Variants in RASAL2 observed in about 807,000 individuals in gnomAD.
RASAL2 encodes the protein ras GTPase-activating protein nGAP.
Under a neutral mutation model 128.9 loss-of-function variants are expected in RASAL2, and 58 were observed. The observed-to-expected ratio is 0.45, with a 90% CI of 0.36 to 0.56. RASAL2 has a LOEUF of 0.56. RASAL2 is among the 20% of genes least tolerant of loss of function. The probability of loss-of-function intolerance (pLI) is 0.00; values close to 1 mark genes in which losing one functional copy is unlikely to be tolerated. For missense variants in RASAL2, 1,360 were observed against 1,601.6 expected (o/e 0.85, Z 2.57); for synonymous variants, 561 against 580.8 (o/e 0.97, Z 0.49).
intron 1 of RASAL2, among the ~76,000 whole-genome samples, chr1:178,246,596 A>G (rs1344875371): frequency 6.6e-6 from 1 of 152,064 alleles, no homozygotes; most frequent in East Asian, 1.9e-4. Flanking sequence ...AGAACTTCCA[A>G]CACTATGTTG....
chr1:178,235,618 C>G (rs1029571736), intron 1 of RASAL2, among the ~76,000 whole-genome samples: 6 of 150,136 alleles, frequency 4.0e-5, no homozygotes, highest in South Asian at 2.1e-4. Context: ...GTGTGTGTGT[C>G]TGTGTGTGTG....
chr1:178,382,504 G>A (rs1389228172), intron 3 of RASAL2, among the ~76,000 whole-genome samples: 1 of 151,936 alleles, frequency 6.6e-6, no homozygotes, highest in Non-Finnish European at 1.5e-5. Flanking sequence ...AAAACACATG[G>A]AGAACAGGAT....
intron 1 of RASAL2, among the ~76,000 whole-genome samples, chr1:178,231,214 T>C (rs1051653697): frequency 6.6e-6 from 1 of 151,936 alleles, no homozygotes; most frequent in African/African-American, 2.4e-5. Context: ...CTGACATGCC[T>C]GGTGGTCACC....
At chr1:178,404,731 G>T (rs549390292) in intron 4 of RASAL2, among the ~76,000 whole-genome samples, 43 of 147,522 alleles carry the variant, frequency 2.9e-4, no homozygotes, top group African/African-American at 1.1e-3. Context: ...GCCCAGGCTG[G>T]AGTACAGTGG....
intron 1 of RASAL2, among the ~76,000 whole-genome samples, chr1:178,282,476 T>C (rs939552383): frequency 2.0e-5 from 3 of 152,174 alleles, no homozygotes; most frequent in African/African-American, 7.2e-5. Flanking sequence ...TAGGAAATTA[T>C]TTGCCTTTCC....
rs1661087979 is a variant in RASAL2, at chr1:178,156,483, A to G, written c.202+61789A>G. On this transcript the variant is annotated intron_variant, in intron 1 of 17. Coordinates refer to ENST00000367649, the MANE Select transcript of RASAL2 (RefSeq NM_170692.4). ...TTAATATGACACTGGTTGTTATAATAGTAAGTTATGGGTGAGATTAGGGAA... is the reference window on the plus strand; with the variant it reads ...TTAATATGACACTGGTTGTTATAATGGTAAGTTATGGGTGAGATTAGGGAA... Among the ~76,000 whole-genome samples, 4 of 152,190 alleles carry G rather than the reference A, an allele frequency of 2.6e-5. No individual in the cohort carries two copies. In the South Asian group the frequency reaches 8.3e-4, roughly 31 times the overall value.
chr1:178,188,562 C>T (rs962865068), intron 1 of RASAL2, among the ~76,000 whole-genome samples: 1 of 151,916 alleles, frequency 6.6e-6, no homozygotes, highest in African/African-American at 2.4e-5. Flanking sequence ...ATTTTTAGTA[C>T]GATATTAATT....
chr1:178,410,634 T>C (rs189296647), intron 4 of RASAL2, among the ~76,000 whole-genome samples: 1 of 151,780 alleles, frequency 6.6e-6, no homozygotes, highest in Admixed American at 6.6e-5. Context: ...GCCAAAGGAC[T>C]AATATCCAGA....
At chr1:178,379,877 T>C (rs1450571851) in intron 3 of RASAL2, among the ~76,000 whole-genome samples, 3 of 152,178 alleles carry the variant, frequency 2.0e-5, no homozygotes, top group African/African-American at 7.2e-5. Context: ...TGTAATTATG[T>C]TTAAGTGTGC....
chr1:178,340,833 A>G (rs780904454), intron 3 of RASAL2, among the ~76,000 whole-genome samples: 3 of 152,200 alleles, frequency 2.0e-5, no homozygotes, highest in South Asian at 2.1e-4. Context: ...GCTACAGACT[A>G]TATAATACAG....
Position 178,439,433 on chromosome 1 carries a change from T to A in RASAL2, c.686T>A (p.Leu229Gln). The A allele has an allele frequency of 6.2e-7, 1 of 1,606,770 alleles. No homozygotes were observed. Among genetic ancestry groups the A allele is most frequent in the East Asian group, 2.2e-5 (1 of 44,714 alleles). The change falls in exon 6 of 18, where the codon CTG becomes CAG. Residue 229 changes from leucine to glutamine, a missense_variant. Physicochemically the swap from Leu to Gln is moderately radical, Grantham distance 113 (BLOSUM62 -2). Transcript: ENST00000367649. Reference protein sequence around the residue: ...LRSTDDRSRGLPKLKESRSHE... With the variant: ...LRSTDDRSRGQPKLKESRSHE... ...TTTTCTACTTTTAGGTCTCGTGGGC[T>A]GCCTAAACTAAAAGAGTCACGTTCC... is the stretch of plus-strand genomic sequence containing the variant.
chr1:178,286,057 C>G (rs140151015), intron 2 of RASAL2, among the ~76,000 whole-genome samples: 2 of 152,292 alleles, frequency 1.3e-5, no homozygotes, highest in East Asian at 3.9e-4. Flanking sequence ...CCCTCATCCA[C>G]CACGCTGTAT....
intron 4 of RASAL2, among the ~76,000 whole-genome samples, chr1:178,409,387 G>T (rs187515999): frequency 6.6e-6 from 1 of 152,146 alleles, no homozygotes; most frequent in Non-Finnish European, 1.5e-5. Context: ...GCACAGTGGA[G>T]GGGCACGTAA....
At chr1:178,416,506 TAAG>T (rs141935608) in intron 4 of RASAL2, among the ~76,000 whole-genome samples, 5,805 of 152,150 alleles carry the variant, frequency 0.038, 354 homozygotes, top group African/African-American at 0.13. Context: ...TTAAATCAAT[TAAG>T]AAGAAAAATA....
chr1:178,159,884 G>A (rs560841282), intron 1 of RASAL2, among the ~76,000 whole-genome samples: 5 of 151,880 alleles, frequency 3.3e-5, no homozygotes, highest in Admixed American at 1.3e-4. Context: ...CTGCCTGGGC[G>A]ACAGAGCAAG....
intron 6 of RASAL2, among the ~76,000 whole-genome samples, chr1:178,440,393 A>G (rs1676553476): frequency 6.6e-6 from 1 of 152,002 alleles, no homozygotes; most frequent in Non-Finnish European, 1.5e-5. Context: ...AAATATTATC[A>G]TTTCAACATG....
At chr1:178,395,785 A>G (rs1673180366) in intron 4 of RASAL2, among the ~76,000 whole-genome samples, 1 of 146,996 alleles carries the variant, frequency 6.8e-6, no homozygotes, top group Admixed American at 6.7e-5. Flanking sequence ...ATATATATAT[A>G]TATATATTTA....
At chr1:178,098,793 T>C (rs1658786809) in intron 1 of RASAL2, among the ~76,000 whole-genome samples, 1 of 152,214 alleles carries the variant, frequency 6.6e-6, no homozygotes, top group Admixed American at 6.5e-5. Context: ...ATTAAGCTTG[T>C]ATACAGCTCA....
At chr1:178,394,666 C>G (rs935507811) in intron 4 of RASAL2, among the ~76,000 whole-genome samples, 3 of 152,162 alleles carry the variant, frequency 2.0e-5, no homozygotes, top group African/African-American at 7.2e-5. Flanking sequence ...AATACAGTTG[C>G]AGCTGCTTCA....
Sources: allele counts gnomAD v4.1 joint callset (sites outside exome capture counted in the v4.1 genomes callset), GRCh38; gene constraint gnomAD v4.1.1; transcripts MANE v1.5; gene names NCBI Gene and HGNC (gene_info 2026-07-23, HGNC 2026-07-21).